Variants in CNOT1 observed in about 807,000 individuals in gnomAD.
CNOT1 encodes the protein CCR4-NOT transcription complex subunit 1, also known as CCR4-associated factor 1.
Under a neutral mutation model 273.8 loss-of-function variants are expected in CNOT1, and 15 were observed. That is an observed-to-expected ratio of 0.05 (90% confidence interval 0.04 to 0.08). CNOT1 has a LOEUF of 0.08. Among genes scored for constraint, CNOT1 ranks in the 10% least tolerant of loss-of-function variants. CNOT1 has a pLI of 1.00. For synonymous variants in CNOT1, 1,022 were observed against 1,005.5 expected (o/e 1.02, Z -0.31); for missense variants, 1,644 against 2,912.2 (o/e 0.56, Z 10.02).
chr16:58,608,661 T>A (rs1432035979), intron 1 of CNOT1, among the ~76,000 whole-genome samples: 3 of 66,366 alleles, frequency 4.5e-5, no homozygotes, highest in Non-Finnish European at 9.4e-5. Context: ...AAAAGATACT[T>A]GCACACGTTT....
chr16:58,590,613 A>T (rs1490175582), intron 2 of CNOT1, among the ~76,000 whole-genome samples: 1 of 152,028 alleles, frequency 6.6e-6, no homozygotes, highest in Admixed American at 6.6e-5. Flanking sequence ...AAAAAATAGA[A>T]CAGAGTCTGG....
chr16:58,586,592 C>T lies in CNOT1; in HGVS notation c.590G>A (p.Gly197Glu). 6.2e-7 allele frequency: 1 copy of T among 1,612,244 alleles called. No individual in the cohort carries two copies. Among genetic ancestry groups the T allele is most frequent in the Non-Finnish European group, 8.5e-7 (1 of 1,179,634 alleles). Reference protein sequence around the residue: ...HLLFGQKGAFGVGQEQIDAFL... With the variant: ...HLLFGQKGAFEVGQEQIDAFL... ...AGCGTCTATCTGTTCTTGTCCAACTCCAAAGGCTCCCTTCTGCCCAAAGAG... is the reference window on the plus strand; with the variant it reads ...AGCGTCTATCTGTTCTTGTCCAACTTCAAAGGCTCCCTTCTGCCCAAAGAG... The change falls in exon 7 of 49, where the codon GGA becomes GAA. Residue 197 changes from glycine to glutamate, a missense_variant. Around this residue, in one of 13 missense-constraint regions of CNOT1, gnomAD observed 706 missense variants for 1,021.2 expected, o/e 0.69. Coordinates refer to ENST00000317147, the MANE Select transcript of CNOT1 (RefSeq NM_016284.5).
At chr16:58,598,414 A>AC (rs1251575667) in intron 2 of CNOT1, among the ~76,000 whole-genome samples, 1 of 151,060 alleles carries the variant, frequency 6.6e-6, no homozygotes, top group Non-Finnish European at 1.5e-5. Context: ...AAAAAAAAAA[A>AC]AAAAATTAGC....
rs1049522917 is a variant in CNOT1, at chr16:58,547,529, A to G, written c.3639+37T>C. On this transcript the variant is annotated intron_variant, in intron 26 of 48. Transcript: ENST00000317147. This position sits in a 1 kb window ranked among gnomAD's most constrained non-coding sequence, Gnocchi z 4.0. ...CAATACTTGTAATCATAATGTGCTG[A>G]AGATTCTCAATTTTTACACATTTAG... 4 of 1,587,504 alleles carry G rather than the reference A, an allele frequency of 2.5e-6. No homozygotes were observed. The highest frequency in any genetic ancestry group is 3.4e-6 in the Non-Finnish European group (4 of 1,165,340).
intron 42 of CNOT1, among the ~76,000 whole-genome samples, chr16:58,531,008 G>A (rs935138948): frequency 2.6e-5 from 4 of 152,134 alleles, no homozygotes; most frequent in Non-Finnish European, 4.4e-5. Flanking sequence ...CTAGAAATGT[G>A]TTTTCTTAAT....
At chr16:58,553,439 T>C (rs1053480975) in intron 22 of CNOT1, among the ~76,000 whole-genome samples, 1 of 152,296 alleles carries the variant, frequency 6.6e-6, no homozygotes, top group African/African-American at 2.4e-5. Flanking sequence ...CCCACTCCAA[T>C]TCCCTTTTAG....
intron 18 of CNOT1, 40 bp from the exon 19 acceptor site, chr16:58,557,033 C>G (rs747897185): frequency 1.8e-5 from 29 of 1,600,350 alleles, no homozygotes; most frequent in Non-Finnish European, 2.5e-5. Context: ...TATCATTATT[C>G]ATATTCTTGA....
At chr16:58,551,548 A>C in intron 23 of CNOT1, 41 bp downstream of exon 23, 2 of 1,578,406 alleles carry the variant, frequency 1.3e-6, no homozygotes, top group Admixed American at 3.3e-5. Context: ...ATTACAATAT[A>C]ATCATAAATC....
At position 58,580,746 on chromosome 16, in the gene CNOT1, T is replaced by A; in HGVS notation, c.1230A>T (p.Gln410His). ...AGATCTCTGGATTTATAAGGGAATG[T>A]TGAATGAAGGAGAGCTGCAATGAAA... is the stretch of plus-strand genomic sequence containing the variant. ...KHAEGQLSFI[Q>H]HSLINPEIFC... is the part of the protein sequence containing the mutation. Residue 410 changes from glutamine to histidine, a missense_variant, in exon 12 of 49, where the codon CAA (glutamine) becomes CAT (histidine). Transcript: ENST00000317147. 6.2e-7 allele frequency: 1 copy of A among 1,611,804 alleles called. No homozygotes were observed. Among genetic ancestry groups the A allele is most frequent in the Non-Finnish European group, 8.5e-7 (1 of 1,179,018 alleles).
intron 2 of CNOT1, among the ~76,000 whole-genome samples, chr16:58,595,063 G>A (rs2015185): frequency 0.75 from 113,916 of 151,306 alleles, 43,290 homozygotes; most frequent in Middle Eastern, 0.86. Flanking sequence ...ACAGTGAGCC[G>A]AGATCACGCC....
chr16:58,554,875 G>A (rs1178135847), intron 21 of CNOT1, among the ~76,000 whole-genome samples: 1 of 136,248 alleles, frequency 7.3e-6, no homozygotes, highest in African/African-American at 2.8e-5. Context: ...GGCGGAAGGT[G>A]CAGTGGGCCC....
chr16:58,545,621 G>C, intron 29 of CNOT1, 130 bp from the exon 30 acceptor site: 107 of 1,397,104 alleles, frequency 7.7e-5, no homozygotes, highest in Non-Finnish European at 9.2e-5. Flanking sequence ...GAAGGATGTA[G>C]CAGGTCCTAT....
rs142746084 is a variant in CNOT1, at chr16:58,619,010, T to C, written c.-175+10718A>G. On this transcript the variant is annotated intron_variant, in intron 1 of 48. Coordinates refer to ENST00000317147, the MANE Select transcript of CNOT1 (RefSeq NM_016284.5). Reference sequence around the variant, plus strand: ...GAGTGCAAGGCCAGGCTGAGCAACATAGTGAGACCCCCATCACTATAAAAA... The same window carrying C: ...GAGTGCAAGGCCAGGCTGAGCAACACAGTGAGACCCCCATCACTATAAAAA... 6.8e-4 allele frequency among the ~76,000 whole-genome samples: 103 copies of C among 152,128 alleles called. No individual in the cohort carries two copies. The East Asian group carries it at 0.016, about 23-fold the overall frequency.
chr16:58,609,574 C>T (rs945640590), intron 1 of CNOT1, among the ~76,000 whole-genome samples: 14 of 151,682 alleles, frequency 9.2e-5, no homozygotes, highest in Non-Finnish European at 1.9e-4. Flanking sequence ...GTGATCCTCC[C>T]GCCTTAGCCT....
chr16:58,602,577 A>AAAACC (rs1394244251), intron 1 of CNOT1, among the ~76,000 whole-genome samples: 1 of 144,682 alleles, frequency 6.9e-6, no homozygotes, highest in Non-Finnish European at 1.5e-5. Flanking sequence ...AAAAAAAAAA[A>AAAACC]CCCATCCATA....
intron 2 of CNOT1, among the ~76,000 whole-genome samples, chr16:58,596,644 T>C (rs1365234230): frequency 2.0e-5 from 3 of 151,970 alleles, no homozygotes; most frequent in Non-Finnish European, 2.9e-5. Flanking sequence ...TCCCAGCACT[T>C]TGGGAGGCCA....
rs1050249301 is a variant in CNOT1, at chr16:58,568,137, C to T, written c.1979+6472G>A. Among the ~76,000 whole-genome samples the T allele has an allele frequency of 2.6e-5, 4 of 152,084 alleles. No individual in the cohort carries two copies. The East Asian group carries it at 7.7e-4, about 29-fold the overall frequency. On this transcript the variant is annotated intron_variant, in intron 16 of 48. Coordinates refer to ENST00000317147, the MANE Select transcript of CNOT1 (RefSeq NM_016284.5). ...CCTGTAATCTCAGTACTTTGGGAGG[C>T]GGGCGAATCACCTGAGGTCGGGAGT...
In CNOT1 at chr16:58,521,335, G is replaced by A. The variant is rs1478807683; in HGVS notation, c.6918-18C>T. 1.9e-6 allele frequency: 3 copies of A among 1,592,870 alleles called. No individual in the cohort carries two copies. The highest frequency in any genetic ancestry group is 2.6e-6 in the Non-Finnish European group (3 of 1,174,070). On this transcript the variant is annotated intron_variant, in intron 47 of 48. Transcript: ENST00000317147. ...AGAGAACTCTGGAAAAAGGGAGAAA[G>A]AGCTAGTTAATGTATAGAAGCATAC...
chr16:58,581,097 C>T (rs2041642602), intron 11 of CNOT1, among the ~76,000 whole-genome samples: 1 of 145,338 alleles, frequency 6.9e-6, no homozygotes, highest in Non-Finnish European at 1.5e-5. Context: ...GGAAACTTAA[C>T]GTTGCCTTGG....
Sources: gnomAD v4.1 joint callset for allele counts (sites outside exome capture counted in the v4.1 genomes callset) on GRCh38, gnomAD v4.1.1 for gene constraint, gnomAD v4.1.1 regional missense constraint, Gnocchi (gnomAD v3.1) non-coding constraint, MANE v1.5 for transcripts, NCBI Gene and HGNC (gene_info 2026-07-23, HGNC 2026-07-21) for gene names.